GRXCR1: variants seen among roughly 807,000 people sequenced by gnomAD.
GRXCR1 encodes the protein glutaredoxin domain-containing cysteine-rich protein 1.
In GRXCR1, 27 loss-of-function variants were observed where a neutral mutation model predicts 27.3. That is an observed-to-expected ratio of 0.99 (90% CI 0.73 to 1.37). The LOEUF is 1.37. GRXCR1 is among the 40% of genes most tolerant of loss of function. The pLI is 0.00. For missense variants in GRXCR1, 379 were observed against 354.4 expected (o/e 1.07, Z -0.56); for synonymous variants, 122 against 131.1 (o/e 0.93, Z 0.47).
chr4:43,027,747 C>T (rs960309200), intron 3 of GRXCR1, among the ~76,000 whole-genome samples: 3 of 152,138 alleles, frequency 2.0e-5, no homozygotes, highest in African/African-American at 7.2e-5. Flanking sequence ...TTGATATTCA[C>T]CTAGTGTGCA....
chr4:42,996,042 C>CTT (rs1395973045), intron 2 of GRXCR1, among the ~76,000 whole-genome samples: 2 of 152,122 alleles, frequency 1.3e-5, no homozygotes, highest in Non-Finnish European at 2.9e-5. Flanking sequence ...AGGATTTAAT[C>CTT]AATAGAGTGG....
intron 1 of GRXCR1, among the ~76,000 whole-genome samples, chr4:42,898,212 G>A (rs1176165484): frequency 6.6e-6 from 1 of 151,562 alleles, no homozygotes; most frequent in Non-Finnish European, 1.5e-5. Flanking sequence ...TCAACATTTA[G>A]TTAGCAGGTT....
chr4:43,016,755 A>G (rs1354577314), intron 2 of GRXCR1, among the ~76,000 whole-genome samples: 1 of 152,194 alleles, frequency 6.6e-6, no homozygotes, highest in Non-Finnish European at 1.5e-5. Context: ...GGATAAATGC[A>G]TGAATGAGTA....
chr4:42,902,257 C>CTA (rs1438360195), intron 1 of GRXCR1, among the ~76,000 whole-genome samples: 2 of 152,102 alleles, frequency 1.3e-5, no homozygotes, highest in Non-Finnish European at 2.9e-5. Flanking sequence ...AAATATTATA[C>CTA]ATCAATAAAG....
intron 3 of GRXCR1, among the ~76,000 whole-genome samples, chr4:43,023,057 G>T (rs1307731370): frequency 6.6e-6 from 1 of 152,128 alleles, no homozygotes; most frequent in Admixed American, 6.5e-5. Context: ...AATTAACTAT[G>T]AACCTATGCT....
At chr4:42,917,898 C>A (rs1746920800) in intron 1 of GRXCR1, among the ~76,000 whole-genome samples, 1 of 152,070 alleles carries the variant, frequency 6.6e-6, no homozygotes, top group Non-Finnish European at 1.5e-5. Flanking sequence ...CAAAACCTAA[C>A]TGGTGAATAG....
chr4:42,919,830 T>C (rs1294901860), intron 1 of GRXCR1, among the ~76,000 whole-genome samples: 1 of 152,184 alleles, frequency 6.6e-6, no homozygotes, highest in Non-Finnish European at 1.5e-5. Flanking sequence ...TTCTATAATA[T>C]AAATTTCTTC....
intron 1 of GRXCR1, among the ~76,000 whole-genome samples, chr4:42,932,611 TATATATATAGAGAGAGAGAG>T (rs1218831614): frequency 3.1e-3 from 139 of 45,570 alleles, no homozygotes; most frequent in Non-Finnish European, 4.1e-3. Flanking sequence ...TATATATATA[TATATATATAGAGAGAGAGAG>T]AGAGAGAGAG....
chr4:42,904,235 C>T (rs138692267), intron 1 of GRXCR1, among the ~76,000 whole-genome samples: 2 of 152,268 alleles, frequency 1.3e-5, no homozygotes, highest in Non-Finnish European at 2.9e-5. Context: ...AGGCAGTGCC[C>T]AAAGCCCTTC....
chr4:42,991,045 C>A (rs1711956090), intron 2 of GRXCR1, among the ~76,000 whole-genome samples: 3 of 151,946 alleles, frequency 2.0e-5, no homozygotes, highest in Admixed American at 6.6e-5. Flanking sequence ...ATGATTTAAT[C>A]TTTTATTCTT....
chr4:42,993,774 A>G (rs1339002164), intron 2 of GRXCR1, among the ~76,000 whole-genome samples: 2 of 152,262 alleles, frequency 1.3e-5, no homozygotes, highest in Middle Eastern at 3.4e-3. Flanking sequence ...AAGTTGAACC[A>G]TTGTAAGTTA....
chr4:42,935,214 T>C (rs1747428787), intron 1 of GRXCR1, among the ~76,000 whole-genome samples: 1 of 151,932 alleles, frequency 6.6e-6, no homozygotes, highest in African/African-American at 2.4e-5. Context: ...GATACACAGC[T>C]GCATGCACTC....
chr4:42,984,890 G>A (rs915344098), intron 2 of GRXCR1, among the ~76,000 whole-genome samples: 14 of 152,162 alleles, frequency 9.2e-5, no homozygotes, highest in Admixed American at 8.5e-4. Flanking sequence ...AAGTGGGTCT[G>A]GAGGCTCAGT....
intron 1 of GRXCR1, among the ~76,000 whole-genome samples, chr4:42,942,169 T>C (rs1309030065): frequency 6.6e-6 from 1 of 151,986 alleles, no homozygotes; most frequent in African/African-American, 2.4e-5. Context: ...TTCTACAAAA[T>C]GCAAGAGGAA....
At chr4:43,001,787 C>T (rs983736571) in intron 2 of GRXCR1, among the ~76,000 whole-genome samples, 16 of 152,274 alleles carry the variant, frequency 1.1e-4, no homozygotes, top group Admixed American at 7.2e-4. Flanking sequence ...CCTGCACCGG[C>T]ACCGACCTCT....
chr4:42,928,651 C>T (rs990226413), intron 1 of GRXCR1, among the ~76,000 whole-genome samples: 3 of 151,936 alleles, frequency 2.0e-5, no homozygotes, highest in Non-Finnish European at 4.4e-5. Context: ...TGGAAGCACA[C>T]CAGAGTGCTC....
At chr4:42,980,776 C>A (rs2109784617) in intron 2 of GRXCR1, among the ~76,000 whole-genome samples, 1 of 152,114 alleles carries the variant, frequency 6.6e-6, no homozygotes, top group East Asian at 1.9e-4. Context: ...TATCTCCCTT[C>A]AAATCTATTA....
At chr4:42,894,030 A>G (rs190850767) in intron 1 of GRXCR1, among the ~76,000 whole-genome samples, 3 of 152,286 alleles carry the variant, frequency 2.0e-5, no homozygotes, top group Non-Finnish European at 4.4e-5. Context: ...AGCATTTATC[A>G]TTACTTATGT....
intron 2 of GRXCR1, among the ~76,000 whole-genome samples, chr4:42,998,713 T>C (rs1712255428): frequency 2.0e-5 from 3 of 152,330 alleles, no homozygotes; most frequent in Admixed American, 6.5e-5. Context: ...TTCTGACTTT[T>C]CCATAAGGCA....
Sources: gnomAD v4.1 joint callset for allele counts (sites outside exome capture counted in the v4.1 genomes callset) on GRCh38, gnomAD v4.1.1 for gene constraint, MANE v1.5 for transcripts, NCBI Gene and HGNC (gene_info 2026-07-23, HGNC 2026-07-21) for gene names.